The following SLC19A2 variants were observed in gnomAD, a reference collection of about 807,000 sequenced individuals.
The protein encoded by SLC19A2 is thiamine transporter 1.
SLC19A2 carries 27 observed loss-of-function variants against 44.7 expected under a neutral mutation model. That is an observed-to-expected ratio of 0.60 (90% CI 0.45 to 0.83). The LOEUF is 0.83. SLC19A2 is among the 40% of genes least tolerant of loss of function. The pLI is 0.00. For synonymous variants in SLC19A2, 239 were observed against 243.6 expected (o/e 0.98, Z 0.18); for missense variants, 566 against 613.7 (o/e 0.92, Z 0.82).
At position 169,468,154 on chromosome 1, in the gene SLC19A2, A is replaced by C. The variant is rs17847484; in HGVS notation, c.1322T>G (p.Ile441Ser). 6.2e-7 allele frequency: 1 copy of C among 1,614,010 alleles called. No homozygotes were observed. Among genetic ancestry groups the C allele is most frequent in the African/African-American group, 1.3e-5 (1 of 75,030 alleles). ...ALALQTLLTLIVVDASGLGLE... is the reference protein window; with the variant it reads ...ALALQTLLTLSVVDASGLGLE... ...TCCAAGGCCACTGGCATCTACCACA[A>C]TTAGAGTGAGCAGCGTCTGCAGTGC... Residue 441 changes from isoleucine to serine, a missense_variant, in exon 5 of 6, where the codon ATT becomes AGT. Transcript: ENST00000236137.
At chr1:169,478,202 T>C (rs1290147206) in intron 1 of SLC19A2, among the ~76,000 whole-genome samples, 2 of 152,072 alleles carry the variant, frequency 1.3e-5, no homozygotes, top group African/African-American at 4.8e-5. Flanking sequence ...CAGCCTGAAA[T>C]ATCCTTTCCT....
At chr1:169,480,823 C>A (rs780702365) in intron 1 of SLC19A2, among the ~76,000 whole-genome samples, 1 of 152,142 alleles carries the variant, frequency 6.6e-6, no homozygotes, top group Non-Finnish European at 1.5e-5. Flanking sequence ...AACTTTTAAC[C>A]ATAGTTGTCC....
At chr1:169,474,338 G>A (rs995522898) in intron 2 of SLC19A2, among the ~76,000 whole-genome samples, 2 of 152,104 alleles carry the variant, frequency 1.3e-5, no homozygotes. Flanking sequence ...CATTTACTAG[G>A]TATTAATTAC....
chr1:169,485,970 T>G (rs1037759295), upstream of SLC19A2: 1 of 625,560 alleles, frequency 1.6e-6, no homozygotes, highest in Non-Finnish European at 2.7e-6. Flanking sequence ...TCGCCCAGTT[T>G]AAGGGAGACC....
chr1:169,465,755 T>C lies in SLC19A2; in HGVS notation c.*94A>G. 7.2e-7 allele frequency: 1 copy of C among 1,395,798 alleles called. No individual in the cohort carries two copies. 86.5% of individuals were successfully genotyped at this position (1,395,798 alleles called of 1,614,324 possible). ...TGCTGTGAAGTCAAGAAATGCACATTCATAAATATATGTCTACGCTTTAAA... is the reference window on the plus strand; with the variant it reads ...TGCTGTGAAGTCAAGAAATGCACATCCATAAATATATGTCTACGCTTTAAA... On this transcript the variant is annotated 3_prime_UTR_variant, in exon 6 of 6. Transcript: ENST00000236137.
Position 169,485,918 on chromosome 1 carries a change from C to G in SLC19A2, c.-152G>C. 1 of 932,840 alleles carries G rather than the reference C, an allele frequency of 1.1e-6. No homozygotes were observed. The highest frequency in any genetic ancestry group is 1.6e-6 in the Non-Finnish European group (1 of 640,328). 57.8% of individuals were successfully genotyped at this position (932,840 alleles called of 1,614,324 possible). A position where few individuals can be genotyped will look rare whatever the true frequency, so the allele number is the denominator to read the frequency against. On this transcript the variant is annotated 5_prime_UTR_variant, in exon 1 of 6. Transcript: ENST00000236137. ...TCGCCGCCGCCTCCGGCTACAGAAC[C>G]CCCAGCTTTACCCTACAGACGCCTC...
intron 2 of SLC19A2, among the ~76,000 whole-genome samples, chr1:169,472,245 C>G (rs1482002580): frequency 6.6e-6 from 1 of 152,166 alleles, no homozygotes; most frequent in East Asian, 1.9e-4. Flanking sequence ...TCAAGGTCCA[C>G]CAGTTTTATT....
At chr1:169,466,016 CAA>C in intron 5 of SLC19A2, 39 bp from the exon 6 acceptor site, 2 of 1,610,902 alleles carry the variant, frequency 1.2e-6, no homozygotes, top group Non-Finnish European at 1.7e-6. Flanking sequence ...TTATCAATGA[CAA>C]GAGGATTACT....
intron 1 of SLC19A2, among the ~76,000 whole-genome samples, chr1:169,480,701 T>C (rs1419543387): frequency 6.6e-6 from 1 of 152,136 alleles, no homozygotes; most frequent in Non-Finnish European, 1.5e-5. Flanking sequence ...ATTAAACCTT[T>C]CCTTTAAAAA....
Position 169,477,654 on chromosome 1 carries a change from A to C in SLC19A2, c.308T>G (p.Leu103Arg), listed in dbSNP as rs762817436. ...DYLRYKPVVL[L>R]QGLSLIVTWF... ...TGTAACAATAAGGCTGAGCCCCTGC[A>C]GTAGAACAACAGGTTTATAACGGAG... is the stretch of plus-strand genomic sequence containing the variant. Residue 103 changes from leucine to arginine, a missense_variant, in exon 2 of 6, where the codon CTG (leucine) becomes CGG (arginine). Leu to Arg is a moderately radical substitution (Grantham distance 102, BLOSUM62 -2). Coordinates refer to ENST00000236137, the MANE Select transcript of SLC19A2 (RefSeq NM_006996.3). The C allele has an allele frequency of 6.2e-7, 1 of 1,614,150 alleles. No individual in the cohort carries two copies. Among genetic ancestry groups the C allele is most frequent in the South Asian group, 1.1e-5 (1 of 91,084 alleles).
At chr1:169,483,464 A>G (rs775396624) in intron 1 of SLC19A2, among the ~76,000 whole-genome samples, 2 of 152,228 alleles carry the variant, frequency 1.3e-5, no homozygotes, top group Non-Finnish European at 2.9e-5. Context: ...TGGTCCTCTG[A>G]GAAGACACCC....
In SLC19A2 at chr1:169,469,212, G is replaced by T. The variant is rs557540874; in HGVS notation, c.1031-376C>A. On this transcript the variant is annotated intron_variant, in intron 3 of 5. Coordinates refer to ENST00000236137, the MANE Select transcript of SLC19A2 (RefSeq NM_006996.3). ...CTCCTTCAAACCAAGGAGCAGTCTA[G>T]AACATGGCAAAAGGGCTTCTCTGCC... 89 of 252,262 alleles carry T rather than the reference G, an allele frequency of 3.5e-4. 1 individual carries two copies. Among genetic ancestry groups the T allele is most frequent in the Middle Eastern group, 1.5e-3 (1 of 684 alleles). The allele number at this position is 252,262 out of a possible 1,614,324, so 15.6% of individuals were successfully genotyped here. A position where few individuals can be genotyped will look rare whatever the true frequency, so the allele number is the denominator to read the frequency against.
chr1:169,470,454 A>G lies in SLC19A2; in HGVS notation c.808-268T>C, dbSNP rs544661975. Among the ~76,000 whole-genome samples, 214 of 152,342 alleles carry G rather than the reference A, an allele frequency of 1.4e-3. 1 individual carries two copies. The highest frequency in any genetic ancestry group is 5.0e-3 in the African/African-American group (206 of 41,568). ...CTGTTTACAAAATGAAGATGATGAAAAGAGACCGCAGGCTTCAGCCAATGG... is the reference window on the plus strand; with the variant it reads ...CTGTTTACAAAATGAAGATGATGAAGAGAGACCGCAGGCTTCAGCCAATGG... On this transcript the variant is annotated intron_variant, in intron 2 of 5. Transcript: ENST00000236137.
intron 5 of SLC19A2, among the ~76,000 whole-genome samples, chr1:169,466,362 G>A (rs993367276): frequency 1.3e-5 from 2 of 151,816 alleles, no homozygotes; most frequent in African/African-American, 4.8e-5. Flanking sequence ...TGCTGTTATT[G>A]TTATAATTCA....
Position 169,465,841 on chromosome 1 carries a change from G to T in SLC19A2, c.*8C>A, listed in dbSNP as rs745611642. 1.9e-5 allele frequency: 31 copies of T among 1,613,474 alleles called. No homozygotes were observed. The highest frequency in any genetic ancestry group is 2.6e-5 in the Non-Finnish European group (31 of 1,179,770). ...TCTTGCTATAAGAAGAAGCCCTTCA[G>T]CAGTATATTATGAAGTGGTTACTTG... On this transcript the variant is annotated 3_prime_UTR_variant, in exon 6 of 6. Transcript: ENST00000236137.
At chr1:169,482,794 A>G (rs1371086807) in intron 1 of SLC19A2, among the ~76,000 whole-genome samples, 1 of 152,192 alleles carries the variant, frequency 6.6e-6, no homozygotes, top group African/African-American at 2.4e-5. Context: ...AGACTATTAG[A>G]TTAATATGAA....
At chr1:169,481,626 A>C (rs1183071299) in intron 1 of SLC19A2, among the ~76,000 whole-genome samples, 3 of 152,212 alleles carry the variant, frequency 2.0e-5, no homozygotes, top group African/African-American at 7.2e-5. Flanking sequence ...AAAATGTACC[A>C]ATTACAGACC....
In SLC19A2 at chr1:169,477,180, A is replaced by C; in HGVS notation, c.782T>G (p.Met261Arg). The C allele has an allele frequency of 6.2e-7, 1 of 1,613,874 alleles. No homozygotes were observed. The highest frequency in any genetic ancestry group is 8.5e-7 in the Non-Finnish European group (1 of 1,179,944). Residue 261 changes from methionine to arginine, a missense_variant, in exon 2 of 6, where the codon ATG becomes AGG. Physicochemically the swap from Met to Arg is moderately conservative, Grantham distance 91. Coordinates refer to ENST00000236137, the MANE Select transcript of SLC19A2 (RefSeq NM_006996.3). ...EDIESKIPLN[M>R]EEPPVEEPEP... is the part of the protein sequence containing the mutation. ...CGGTTCCTCCACGGGAGGCTCCTCC[A>C]TATTTAGAGGGATTTTTGACTCAAT...
rs1012844869 is a variant in SLC19A2 at position 169,484,462 on chromosome 1, G to A, written c.204+1101C>T. On this transcript the variant is annotated intron_variant, in intron 1 of 5. Transcript: ENST00000236137. ...CTGGGGCAAGGAGGCAGGGTGGAAG[G>A]AACAGGTGTAGGAAAAAAGAAAAAG... 5.8e-4 allele frequency among the ~76,000 whole-genome samples: 88 copies of A among 152,262 alleles called. 1 individual carries two copies. Among genetic ancestry groups the A allele is most frequent in the Non-Finnish European group, 6.5e-4 (44 of 68,018 alleles).
Sources: gnomAD v4.1 joint callset for allele counts (sites outside exome capture counted in the v4.1 genomes callset) on GRCh38, gnomAD v4.1.1 for gene constraint, MANE v1.5 for transcripts, NCBI Gene and HGNC (gene_info 2026-07-23, HGNC 2026-07-21) for gene names.